CHD9: variants seen among roughly 807,000 people sequenced by gnomAD.
CHD9 encodes chromodomain helicase DNA binding protein 9, also known as ATP-dependent chromatin remodeler CHD9.
A neutral mutation model predicts 316.1 loss-of-function variants in CHD9; 77 were observed. The observed-to-expected ratio is 0.24, with a 90% CI of 0.20 to 0.29. The LOEUF is 0.29. Among genes scored for constraint, CHD9 ranks in the 10% least tolerant of loss-of-function variants. CHD9 has a pLI of 1.00. For synonymous variants in CHD9, 1,129 were observed against 1,158.3 expected, an observed-to-expected ratio of 0.97 and a Z score of 0.51; for missense variants, 2,763 against 3,438.1, an observed-to-expected ratio of 0.80 and a Z score of 4.91.
intron 2 of CHD9, 40 bp from the exon 3 acceptor site, chr16:53,209,442 A>G (rs367930513): frequency 7.7e-7 from 1 of 1,299,234 alleles, no homozygotes; most frequent in Non-Finnish European, 1.1e-6. Context: ...TTTTAGATGT[A>G]CTTTGGTATA....
intron 1 of CHD9, among the ~76,000 whole-genome samples, chr16:53,115,579 T>C (rs914272113): frequency 6.6e-6 from 1 of 152,244 alleles, no homozygotes; most frequent in Non-Finnish European, 1.5e-5. Flanking sequence ...TCCAGTGTCC[T>C]GTTCAAAACC....
At chr16:53,169,689 A>G (rs1181739121) in intron 2 of CHD9, among the ~76,000 whole-genome samples, 2 of 152,202 alleles carry the variant, frequency 1.3e-5, no homozygotes, top group Non-Finnish European at 2.9e-5. Context: ...TTGCCCCTAA[A>G]TATTTTAACA....
At chr16:53,150,945 A>T (rs1434072904) in intron 1 of CHD9, among the ~76,000 whole-genome samples, 1 of 151,942 alleles carries the variant, frequency 6.6e-6, no homozygotes, top group African/African-American at 2.4e-5. Context: ...TTACGATGTG[A>T]TCTCTTAGAA....
At chr16:53,279,679 C>T (rs1016012705) in intron 24 of CHD9, among the ~76,000 whole-genome samples, 1 of 152,092 alleles carries the variant, frequency 6.6e-6, no homozygotes, top group Non-Finnish European at 1.5e-5. Context: ...ATAGCTGGGA[C>T]TTAATTAAAC....
chr16:53,156,515 C>T lies in CHD9; in HGVS notation c.426C>T (p.His142=). The T allele has an allele frequency of 6.2e-7, 1 of 1,613,926 alleles. No homozygotes were observed. Among genetic ancestry groups the T allele is most frequent in the Non-Finnish European group, 8.5e-7 (1 of 1,179,852 alleles). The change falls in exon 2 of 39, where the codon CAC becomes CAT. Residue 142 remains histidine, a synonymous_variant. Transcript: ENST00000447540. ...CAAATCAAAATGGATCTCCTTTTCA[C>T]CAACAAGGACATTCACACTCTATGC... is the stretch of plus-strand genomic sequence containing the variant. The part of the protein sequence containing the change: ...TISNQNGSPF[H]QQGHSHSMHQ...
Position 53,157,452 on chromosome 16 carries a change from C to T in CHD9, c.1363C>T (p.Gln455Ter), listed in dbSNP as rs1790554857. 6.2e-7 allele frequency: 1 copy of T among 1,613,868 alleles called. No homozygotes were observed. Among genetic ancestry groups the T allele is most frequent in the Non-Finnish European group, 8.5e-7 (1 of 1,179,898 alleles). ...VTRPSDMAQTQLQSQARSWHS... is the reference protein window; with the variant it reads ...VTRPSDMAQT ...ACGGCCTTCTGATATGGCTCAGACT[C>T]AGTTGCAAAGTCAGGCTCGGAGTTG... The change falls in exon 2 of 39, where the codon CAG becomes TAG. Residue 455 changes from glutamine to a stop codon, truncating the protein, a stop_gained. Transcript: ENST00000447540. LOFTEE classifies it high-confidence loss of function.
intron 34 of CHD9, among the ~76,000 whole-genome samples, chr16:53,309,477 C>G (rs887391477): frequency 6.6e-6 from 1 of 152,148 alleles, no homozygotes; most frequent in Admixed American, 6.5e-5. Context: ...ATTTTGAAAG[C>G]AATTATCAGA....
At position 53,236,831 on chromosome 16, in the gene CHD9, G is replaced by T. The variant is rs2048674029; in HGVS notation, c.2634-1512G>T. Among the ~76,000 whole-genome samples, 4 of 151,946 alleles carry T rather than the reference G, an allele frequency of 2.6e-5. No individual in the cohort carries two copies. In the South Asian group the frequency reaches 8.3e-4, roughly 32 times the overall value. On this transcript the variant is annotated intron_variant, in intron 11 of 38. Transcript: ENST00000447540. ...TCTCTCCTAGCTCTGCAGTACCTGT[G>T]ACTATTCCTTTCAATAGTCTGCTGG... is the stretch of plus-strand genomic sequence containing the variant.
chr16:53,291,825 C>G, intron 28 of CHD9, 58 bp downstream of exon 28: 2 of 1,049,482 alleles, frequency 1.9e-6, no homozygotes, highest in Non-Finnish European at 2.7e-6. Flanking sequence ...CTAATCATAC[C>G]ATGAGATCAG....
intron 1 of CHD9, among the ~76,000 whole-genome samples, chr16:53,089,725 A>G (rs1449494667): frequency 6.6e-6 from 1 of 152,162 alleles, no homozygotes; most frequent in Non-Finnish European, 1.5e-5. Flanking sequence ...GATTTGGATC[A>G]CCCACCCAGG....
Position 53,156,229 on chromosome 16 carries a change from C to G in CHD9, c.140C>G (p.Pro47Arg). 1 of 1,613,928 alleles carries G rather than the reference C, an allele frequency of 6.2e-7. No homozygotes were observed. The stretch of plus-strand genomic sequence containing the variant: ...TTGAATTTGGGTGCAGAATTTGAAC[C>G]GTTGCACATAGATTCACTGAACCAT... ...DELNLGAEFE[P>R]LHIDSLNHVQ... The change falls in exon 2 of 39, where the codon CCG becomes CGG. Residue 47 changes from proline (P) to arginine (R), a missense_variant. Pro to Arg is a moderately radical substitution (Grantham distance 103). Transcript: ENST00000447540.
intron 17 of CHD9, among the ~76,000 whole-genome samples, chr16:53,252,018 C>T (rs1397635391): frequency 6.6e-6 from 1 of 152,068 alleles, no homozygotes; most frequent in Non-Finnish European, 1.5e-5. Context: ...ATCAAAATAC[C>T]ACCATCATTC....
chr16:53,231,779 C>T lies in CHD9; in HGVS notation c.2506C>T (p.Arg836Cys), dbSNP rs756081257. 3.2e-5 allele frequency: 51 copies of T among 1,596,054 alleles called. No individual in the cohort carries two copies. Among genetic ancestry groups the T allele is most frequent in the East Asian group, 6.7e-5 (3 of 44,748 alleles). ...QLQASRPDTR[R>C]LDRPPSNIWK... ...GCAAGCTTCAAGGCCTGACACAAGA[C>T]GTTTGGTAAGAACCTGTTTTAGACA... Residue 836 changes from arginine to cysteine, a missense_variant, in exon 10 of 39, where the codon CGT becomes TGT. Transcript: ENST00000447540.
chr16:53,129,859 G>C (rs573511388), intron 1 of CHD9, among the ~76,000 whole-genome samples: 1 of 152,258 alleles, frequency 6.6e-6, no homozygotes, highest in African/African-American at 2.4e-5. Flanking sequence ...AGGACTTTTG[G>C]ACAACTTGTG....
intron 2 of CHD9, chr16:53,208,310 C>T (rs766501974): frequency 4.1e-4 from 519 of 1,279,678 alleles, no homozygotes; most frequent in Non-Finnish European, 4.9e-4. Context: ...CTTTGTCTGA[C>T]GCCAAAAATG....
intron 2 of CHD9, 149 bp from the exon 3 acceptor site, chr16:53,209,333 G>C: frequency 1.7e-6 from 1 of 596,994 alleles, no homozygotes. Context: ...TTCTTGATAA[G>C]CAAAATGTTT....
chr16:53,132,090 A>T (rs11075755), intron 1 of CHD9, among the ~76,000 whole-genome samples: 47,050 of 150,852 alleles, frequency 0.31, 7,450 homozygotes, highest in Middle Eastern at 0.36. Context: ...TTTTATTTTT[A>T]AAAAAAATTT....
chr16:53,285,491 A>T (rs1227193068), intron 24 of CHD9, 105 bp from the exon 25 acceptor site: 4 of 394,536 alleles, frequency 1.0e-5, no homozygotes, highest in Non-Finnish European at 1.8e-5. Flanking sequence ...TGAAATCCTA[A>T]GCTCTCTCTT....
At chr16:53,114,253 ATTG>A (rs1319541315) in intron 1 of CHD9, among the ~76,000 whole-genome samples, 1 of 152,000 alleles carries the variant, frequency 6.6e-6, no homozygotes, top group Admixed American at 6.6e-5. Flanking sequence ...CATCATTATT[ATTG>A]TTATTATTAT....
Sources: gnomAD v4.1 joint callset for allele counts (sites outside exome capture counted in the v4.1 genomes callset) on GRCh38, gnomAD v4.1.1 for gene constraint, MANE v1.5 for transcripts, NCBI Gene and HGNC (gene_info 2026-07-23, HGNC 2026-07-21) for gene names.